The following CYTH3 variants were observed in gnomAD, a reference collection of about 807,000 sequenced individuals.
CYTH3 encodes cytohesin 3.
Under a neutral mutation model 55.1 loss-of-function variants are expected in CYTH3, and 23 were observed. The ratio of observed to expected loss-of-function variants is 0.42; its 90% CI spans 0.30 to 0.59. CYTH3 has a LOEUF of 0.59. Ranked by LOEUF, CYTH3 falls within the 20% of genes least tolerant of loss-of-function variation. CYTH3 has a pLI of 0.20. For synonymous variants in CYTH3, 249 were observed against 194.9 expected, an observed-to-expected ratio of 1.28 and a Z score of -2.31; for missense variants, 413 against 524.8, an observed-to-expected ratio of 0.79 and a Z score of 2.08.
chr7:6,218,780 G>C (rs1784480782), intron 1 of CYTH3, among the ~76,000 whole-genome samples: 1 of 152,114 alleles, frequency 6.6e-6, no homozygotes, highest in African/African-American at 2.4e-5. Context: ...GCCGAGGCGG[G>C]CAGGTCACGA....
At chr7:6,205,950 C>T (rs1347726169) in intron 1 of CYTH3, among the ~76,000 whole-genome samples, 3 of 138,504 alleles carry the variant, frequency 2.2e-5, no homozygotes, top group Non-Finnish European at 4.6e-5. Flanking sequence ...AAACTAAGCA[C>T]TCACCTTTAA....
intron 4 of CYTH3, among the ~76,000 whole-genome samples, chr7:6,179,080 TA>T (rs1562880989): frequency 6.6e-6 from 1 of 152,172 alleles, no homozygotes; most frequent in Non-Finnish European, 1.5e-5. Flanking sequence ...AGAAATTTCC[TA>T]TTTTTTTTAA....
At chr7:6,239,078 G>A (rs1180881623) in intron 1 of CYTH3, among the ~76,000 whole-genome samples, 3 of 152,122 alleles carry the variant, frequency 2.0e-5, no homozygotes, top group Non-Finnish European at 4.4e-5. Context: ...GCCAAGCATG[G>A]TGGTACATGC....
intron 1 of CYTH3, among the ~76,000 whole-genome samples, chr7:6,227,839 C>G (rs931449375): frequency 6.6e-6 from 1 of 152,170 alleles, no homozygotes; most frequent in African/African-American, 2.4e-5. Context: ...GAGAATTCCA[C>G]AGTGAATGTG....
intron 1 of CYTH3, among the ~76,000 whole-genome samples, chr7:6,250,291 T>C (rs1389369971): frequency 1.3e-5 from 2 of 152,176 alleles, no homozygotes; most frequent in East Asian, 1.9e-4. Flanking sequence ...AGGATTTCAA[T>C]AGCAAGGATT....
chr7:6,255,694 A>C (rs2115053174), intron 1 of CYTH3, among the ~76,000 whole-genome samples: 1 of 151,854 alleles, frequency 6.6e-6, no homozygotes, highest in African/African-American at 2.4e-5. Context: ...TTAAGGACTT[A>C]CAGACTCCCT....
chr7:6,203,150 A>C (rs1452533919), intron 1 of CYTH3, among the ~76,000 whole-genome samples: 1 of 152,212 alleles, frequency 6.6e-6, no homozygotes, highest in Non-Finnish European at 1.5e-5. Flanking sequence ...TATATAAAGC[A>C]AAAATTGACA....
At chr7:6,201,175 G>A (rs563170918) in intron 1 of CYTH3, among the ~76,000 whole-genome samples, 52 of 152,316 alleles carry the variant, frequency 3.4e-4, no homozygotes, top group Middle Eastern at 6.8e-3. Flanking sequence ...CTCACCACTC[G>A]ACAGTCGGGT....
At chr7:6,270,118 A>G (rs889963) in intron 1 of CYTH3, among the ~76,000 whole-genome samples, 1 of 152,124 alleles carries the variant, frequency 6.6e-6, no homozygotes, top group African/African-American at 2.4e-5. Context: ...AAAATCTAAA[A>G]GGTATTAACT....
At chr7:6,177,452 T>C (rs1783380215) in intron 5 of CYTH3, among the ~76,000 whole-genome samples, 1 of 152,152 alleles carries the variant, frequency 6.6e-6, no homozygotes, top group African/African-American at 2.4e-5. Flanking sequence ...ATACTGCAAG[T>C]AACAGGAGAA....
intron 1 of CYTH3, among the ~76,000 whole-genome samples, chr7:6,245,663 G>A (rs551609166): frequency 3.9e-5 from 6 of 152,336 alleles, no homozygotes; most frequent in African/African-American, 9.6e-5. Context: ...CCAGCACTTC[G>A]GGAGGCCGAG....
intron 4 of CYTH3, among the ~76,000 whole-genome samples, chr7:6,185,021 A>C (rs1430915571): frequency 6.6e-6 from 1 of 152,218 alleles, no homozygotes; most frequent in Non-Finnish European, 1.5e-5. Flanking sequence ...GAGCACATCC[A>C]CTTTCATAAA....
At chr7:6,196,112 A>T (rs1358143801) in intron 1 of CYTH3, among the ~76,000 whole-genome samples, 1 of 152,168 alleles carries the variant, frequency 6.6e-6, no homozygotes, top group African/African-American at 2.4e-5. Flanking sequence ...TGTCTCTCTC[A>T]AGAGTGAGAA....
rs1472084890 is a variant in CYTH3 at position 6,170,256 on chromosome 7, C to G, written c.823+279G>C. The G allele has an allele frequency of 2.3e-6, 1 of 442,454 alleles. No individual in the cohort carries two copies. The highest frequency in any genetic ancestry group is 4.0e-6 in the Non-Finnish European group (1 of 248,910). The allele number at this position is 442,454 out of a possible 1,614,324, so 27.4% of individuals were successfully genotyped here. A position where few individuals can be genotyped will look rare whatever the true frequency, so the allele number is the denominator to read the frequency against. On this transcript the variant is annotated intron_variant, in intron 9 of 12. Coordinates refer to ENST00000350796, the MANE Select transcript of CYTH3 (RefSeq NM_004227.4). This position sits in a 1 kb window ranked among gnomAD's most constrained non-coding sequence, Gnocchi z 7.8. The stretch of plus-strand genomic sequence containing the variant: ...ATGCGCTTGCTTCTCGTGCAGGAAG[C>G]TGCCCTGGCTGGATCTGGATGCTAA...
At chr7:6,263,306 G>A (rs1038003235) in intron 1 of CYTH3, among the ~76,000 whole-genome samples, 8 of 152,218 alleles carry the variant, frequency 5.3e-5, no homozygotes, top group African/African-American at 1.7e-4. Context: ...TGATTAGAAT[G>A]CTGGGAAATC....
intron 9 of CYTH3, among the ~76,000 whole-genome samples, chr7:6,166,779 C>G (rs1250347556): frequency 6.6e-6 from 1 of 152,136 alleles, no homozygotes; most frequent in African/African-American, 2.4e-5. Flanking sequence ...TGGCCCCTGC[C>G]TCACTCAGTG....
chr7:6,203,843 C>T (rs1053511104), intron 1 of CYTH3, among the ~76,000 whole-genome samples: 2 of 151,972 alleles, frequency 1.3e-5, no homozygotes, highest in South Asian at 2.1e-4. Flanking sequence ...CTCAGCCTCC[C>T]GAGTAGCTGG....
intron 1 of CYTH3, among the ~76,000 whole-genome samples, chr7:6,250,121 G>C (rs143156530): frequency 6.6e-6 from 1 of 152,030 alleles, no homozygotes. Context: ...TGGAATCCCC[G>C]AGAAGTAGAC....
chr7:6,241,785 C>T (rs991319275), intron 1 of CYTH3, among the ~76,000 whole-genome samples: 39 of 151,932 alleles, frequency 2.6e-4, no homozygotes, highest in African/African-American at 9.0e-4. Flanking sequence ...ACAGGAAAAG[C>T]TCAATTATGA....
Sources: allele counts gnomAD v4.1 joint callset (sites outside exome capture counted in the v4.1 genomes callset), GRCh38; gene constraint gnomAD v4.1.1; non-coding constraint Gnocchi (gnomAD v3.1); transcripts MANE v1.5; gene names NCBI Gene and HGNC (gene_info 2026-07-23, HGNC 2026-07-21).